RAD51AP1: variants seen among roughly 807,000 people sequenced by gnomAD.
RAD51AP1 encodes RAD51-associated protein 1.
A neutral mutation model predicts 34.3 loss-of-function variants in RAD51AP1; 14 were observed. That is an observed-to-expected ratio of 0.41 (90% CI 0.27 to 0.64). The LOEUF (loss-of-function observed/expected upper bound fraction) is 0.64, where lower values mean the gene tolerates loss of function less well. Among genes scored for constraint, RAD51AP1 ranks in the 30% least tolerant of loss-of-function variants. The pLI, the probability that RAD51AP1 is intolerant of heterozygous loss-of-function variation, is 0.33. For missense variants in RAD51AP1, 348 were observed against 386.9 expected (o/e 0.90, Z 0.84); for synonymous variants, 114 against 129.8 (o/e 0.88, Z 0.83).
intron 8 of RAD51AP1, 129 bp from the exon 9 acceptor site, chr12:4,558,728 T>C: frequency 9.1e-7 from 1 of 1,094,428 alleles, no homozygotes; most frequent in Admixed American, 2.7e-5. Context: ...TTGATCTAGT[T>C]TATTGCTTGA....
chr12:4,552,879 T>G (rs1944556106), intron 6 of RAD51AP1, 104 bp from the exon 7 acceptor site: 1 of 1,093,870 alleles, frequency 9.1e-7, no homozygotes, highest in Non-Finnish European at 1.3e-6. Context: ...CTGGAAACAG[T>G]GCAGCACAAA....
intron 8 of RAD51AP1, 98 bp downstream of exon 8, chr12:4,556,600 T>C (rs1591776231): frequency 7.2e-7 from 1 of 1,380,616 alleles, no homozygotes; most frequent in African/African-American, 1.5e-5. Flanking sequence ...TTTCCCCATA[T>C]TATTACATAT....
chr12:4,542,157 G>C (rs373277246), intron 2 of RAD51AP1, among the ~76,000 whole-genome samples: 1 of 152,116 alleles, frequency 6.6e-6, no homozygotes, highest in Non-Finnish European at 1.5e-5. Flanking sequence ...AGTCTCTTTA[G>C]ATCTAAACTA....
intron 2 of RAD51AP1, among the ~76,000 whole-genome samples, chr12:4,543,542 T>C (rs755300595): frequency 1.3e-5 from 2 of 152,194 alleles, no homozygotes; most frequent in East Asian, 1.9e-4. Context: ...TTTTAGTGAA[T>C]TGGTTTTTGA....
At chr12:4,557,189 T>C (rs1473196048) in intron 8 of RAD51AP1, among the ~76,000 whole-genome samples, 2 of 152,214 alleles carry the variant, frequency 1.3e-5, no homozygotes, top group Non-Finnish European at 2.9e-5. Context: ...TCAAACATGT[T>C]GTATGTATGC....
Position 4,541,906 on chromosome 12 carries a change from TCA to T in RAD51AP1, c.43_44del (p.Gln15ValfsTer2). 1 of 1,526,826 alleles carries T rather than the reference TCA, an allele frequency of 6.5e-7. No homozygotes were observed. Among genetic ancestry groups the T allele is most frequent in the East Asian group, 2.4e-5 (1 of 40,886 alleles). The allele number at this position is 1,526,826 out of a possible 1,614,324, so 94.6% of individuals were successfully genotyped here. ...TAGACATAAGAAACCAGTCAATTAC[TCA>T]CAGTTTGACCACTCTGACAGTGATG... ...PVRHKKPVNY[S>X]QFDHSDSDDD... On this transcript the variant is annotated frameshift_variant, in exon 2 of 9. Transcript: ENST00000352618. LOFTEE classifies it high-confidence loss of function.
intron 8 of RAD51AP1, among the ~76,000 whole-genome samples, chr12:4,556,965 C>A (rs1251327999): frequency 6.6e-6 from 1 of 152,214 alleles, no homozygotes; most frequent in East Asian, 1.9e-4. Flanking sequence ...CAACCTCTTG[C>A]TTTCACAAAT....
intron 8 of RAD51AP1, among the ~76,000 whole-genome samples, chr12:4,558,337 T>G (rs1476615634): frequency 6.6e-6 from 1 of 152,134 alleles, no homozygotes; most frequent in African/African-American, 2.4e-5. Context: ...GCAACTACAG[T>G]CACCATCAAC....
chr12:4,546,158 TATC>T (rs1297798527), intron 3 of RAD51AP1, 148 bp from the exon 4 acceptor site: 50 of 617,134 alleles, frequency 8.1e-5, no homozygotes, highest in Middle Eastern at 4.5e-4. Context: ...AGTCTTATCT[TATC>T]ATCAAAGGTC....
Position 4,548,700 on chromosome 12 carries a change from T to TACTGTGGAAGATGATGTA in RAD51AP1, c.437_438insAACTGTGGAAGATGATGT (p.Thr141_Val146dup). 2 of 1,613,436 alleles carry TACTGTGGAAGATGATGTA rather than the reference T, an allele frequency of 1.2e-6. No individual in the cohort carries two copies. The highest frequency in any genetic ancestry group is 2.2e-5 in the South Asian group (2 of 90,928). On this transcript the variant is annotated inframe_insertion, in exon 6 of 9. Transcript: ENST00000352618. ...CCTCTCCTGAAGATTTGGATAAGAT[T>TACTGTGGAAGATGATGTA]ACTGTGGAAGATGATGTTGGTGGTG...
Position 4,559,678 on chromosome 12 carries a change from A to G in RAD51AP1, c.*685A>G, listed in dbSNP as rs1944607553. Reference sequence around the variant, plus strand: ...ACGTGTTCCTGATTGTCCACATTTCATGATAAAATGAGAGCTCCGCAGAGA... The same window carrying G: ...ACGTGTTCCTGATTGTCCACATTTCGTGATAAAATGAGAGCTCCGCAGAGA... On this transcript the variant is annotated 3_prime_UTR_variant, in exon 9 of 9. Coordinates refer to ENST00000352618, the MANE Select transcript of RAD51AP1 (RefSeq NM_006479.5). 1 of 152,208 alleles carries G rather than the reference A, an allele frequency of 6.6e-6. No individual in the cohort carries two copies. Among genetic ancestry groups the G allele is most frequent in the Non-Finnish European group, 1.5e-5 (1 of 68,036 alleles). The allele number at this position is 152,208 out of a possible 1,614,324, so 9.4% of individuals were successfully genotyped here. A position where few individuals can be genotyped will look rare whatever the true frequency, so the allele number is the denominator to read the frequency against.
At chr12:4,552,188 A>T (rs1420417149) in intron 6 of RAD51AP1, among the ~76,000 whole-genome samples, 6 of 152,208 alleles carry the variant, frequency 3.9e-5, no homozygotes, top group Non-Finnish European at 8.8e-5. Flanking sequence ...TTTTATATTA[A>T]TATAGGACTA....
intron 8 of RAD51AP1, among the ~76,000 whole-genome samples, chr12:4,558,068 T>C (rs1182621973): frequency 1.3e-5 from 2 of 152,028 alleles, no homozygotes; most frequent in Non-Finnish European, 2.9e-5. Context: ...TTACCTATCT[T>C]ATACAACTGG....
chr12:4,545,754 T>C (rs1212360305), intron 3 of RAD51AP1: 2 of 1,608,332 alleles, frequency 1.2e-6, no homozygotes. Context: ...GCATGTCTTG[T>C]TTCCCCACCC....
chr12:4,550,035 T>C (rs1944535036), intron 6 of RAD51AP1, among the ~76,000 whole-genome samples: 1 of 152,210 alleles, frequency 6.6e-6, no homozygotes, highest in Admixed American at 6.5e-5. Context: ...TGACCTTCAT[T>C]AGGGAAAGAA....
Position 4,556,352 on chromosome 12 carries a change from G to C in RAD51AP1, c.722-1G>C, listed in dbSNP as rs1230003476. 1.0e-5 allele frequency: 16 copies of C among 1,607,496 alleles called. No individual in the cohort carries two copies. Among genetic ancestry groups the C allele is most frequent in the Non-Finnish European group, 1.4e-5 (16 of 1,177,308 alleles). On this transcript the variant is annotated splice_acceptor_variant, in intron 7 of 8. Transcript: ENST00000352618. LOFTEE classifies it high-confidence loss of function. Reference sequence around the variant, plus strand: ...ATTTTTACGTATATTTTTCAAATAAGTGACTTCGGTGGACTCTGCTCCAGC... The same window carrying C: ...ATTTTTACGTATATTTTTCAAATAACTGACTTCGGTGGACTCTGCTCCAGC...
In RAD51AP1 at chr12:4,545,886, A is replaced by C. The variant is rs1341473367; in HGVS notation, c.210-423A>C. On this transcript the variant is annotated intron_variant, in intron 3 of 8. Transcript: ENST00000352618. ...GTCTGGATTGGGAGGAAGAGATGTA[A>C]AAAAATGATAATAATTTTAATTTAA... The C allele has an allele frequency of 1.9e-6, 3 of 1,568,372 alleles. No homozygotes were observed. In the African/African-American group the frequency reaches 4.1e-5, roughly 21 times the overall value.
rs561555225 is a variant in RAD51AP1 at position 4,543,993 on chromosome 12, C to T, written c.209+89C>T. The T allele has an allele frequency of 1.2e-5, 14 of 1,159,076 alleles. No individual in the cohort carries two copies. In the African/African-American group the frequency reaches 1.4e-4, roughly 12 times the overall value. The allele number at this position is 1,159,076 out of a possible 1,614,324, so 71.8% of individuals were successfully genotyped here. On this transcript the variant is annotated intron_variant, in intron 3 of 8. Coordinates refer to ENST00000352618, the MANE Select transcript of RAD51AP1 (RefSeq NM_006479.5). ...TTCGAACCCTTGATTTAAATTAGAACTTGGGCAGAGTCATAGGTCTTATTT... is the reference window on the plus strand; with the variant it reads ...TTCGAACCCTTGATTTAAATTAGAATTTGGGCAGAGTCATAGGTCTTATTT...
intron 7 of RAD51AP1, among the ~76,000 whole-genome samples, chr12:4,554,717 G>A (rs894529402): frequency 1.3e-5 from 2 of 152,106 alleles, no homozygotes; most frequent in Admixed American, 6.6e-5. Context: ...ATAGGACTAG[G>A]AATTAGGAAA....
Sources: gnomAD v4.1 joint callset for allele counts (sites outside exome capture counted in the v4.1 genomes callset) on GRCh38, gnomAD v4.1.1 for gene constraint, MANE v1.5 for transcripts, NCBI Gene and HGNC (gene_info 2026-07-23, HGNC 2026-07-21) for gene names.